Variants in CDH18 observed in about 807,000 individuals in gnomAD.
CDH18 encodes the protein cadherin 18.
CDH18 carries 31 observed loss-of-function variants against 67.9 expected under a neutral mutation model. The observed-to-expected ratio is 0.46, with a 90% CI of 0.34 to 0.62. The LOEUF is 0.62. Ranked by LOEUF, CDH18 falls within the 20% of genes least tolerant of loss-of-function variation. The probability of loss-of-function intolerance (pLI) is 0.01; values close to 1 mark genes in which losing one functional copy is unlikely to be tolerated. For synonymous variants in CDH18, 362 were observed against 347.2 expected, an observed-to-expected ratio of 1.04 and a Z score of -0.48; for missense variants, 890 against 975.5, an observed-to-expected ratio of 0.91 and a Z score of 1.17.
chr5:20,007,802 A>T (rs1208924487), intron 2 of CDH18, among the ~76,000 whole-genome samples: 1 of 151,956 alleles, frequency 6.6e-6, no homozygotes, highest in African/African-American at 2.4e-5. Flanking sequence ...AAGAAAAATC[A>T]AAATAAGACT....
intron 2 of CDH18, among the ~76,000 whole-genome samples, chr5:19,909,207 T>A (rs1579541435): frequency 6.6e-6 from 1 of 152,120 alleles, no homozygotes; most frequent in Non-Finnish European, 1.5e-5. Flanking sequence ...CCACAATATA[T>A]TTTTAAAAGT....
chr5:20,164,800 A>G (rs986102345), intron 2 of CDH18, among the ~76,000 whole-genome samples: 2 of 152,168 alleles, frequency 1.3e-5, no homozygotes, highest in African/African-American at 4.8e-5. Context: ...TCGTTTACCT[A>G]TTTACATTAA....
At chr5:20,173,113 C>A (rs1349846337) in intron 2 of CDH18, among the ~76,000 whole-genome samples, 1 of 152,102 alleles carries the variant, frequency 6.6e-6, no homozygotes, top group African/African-American at 2.4e-5. Context: ...CTAATGTGAA[C>A]CACTGACCTA....
At chr5:19,774,443 A>AAAATAAAATAAAAT (rs1473317352) in intron 3 of CDH18, among the ~76,000 whole-genome samples, 3 of 150,688 alleles carry the variant, frequency 2.0e-5, no homozygotes, top group Non-Finnish European at 4.4e-5. Flanking sequence ...AAAATAAAAT[A>AAAATAAAATAAAAT]AAATAAATAA....
rs1000170451 is a variant in CDH18, at chr5:20,131,076, C to A, written c.-518+124368G>T. On this transcript the variant is annotated intron_variant, in intron 2 of 14. Coordinates refer to the CDH18 transcript ENST00000507958. Reference sequence around the variant, plus strand: ...TCATATCATTTAAAAAATTTTTTACCTTATATAAATTATTTGCAGAATTTG... The same window carrying A: ...TCATATCATTTAAAAAATTTTTTACATTATATAAATTATTTGCAGAATTTG... Among the ~76,000 whole-genome samples the A allele has an allele frequency of 7.9e-5, 12 of 151,912 alleles. 1 individual carries two copies. In the South Asian group the frequency reaches 2.3e-3, roughly 29 times the overall value.
At chr5:20,304,663 G>A in intron 1 of CDH18, 1 of 1,611,816 alleles carries the variant, frequency 6.2e-7, no homozygotes, top group Non-Finnish European at 8.5e-7. Flanking sequence ...CGCTCCTAGT[G>A]ATGATGGGTC....
At chr5:19,933,450 T>A (rs760272475) in intron 2 of CDH18, among the ~76,000 whole-genome samples, 30 of 151,498 alleles carry the variant, frequency 2.0e-4, no homozygotes, top group Non-Finnish European at 3.7e-4. Flanking sequence ...TTTTTACCAG[T>A]ATATGAATGT....
intron 2 of CDH18, among the ~76,000 whole-genome samples, chr5:20,218,898 A>G (rs1420277199): frequency 6.6e-6 from 1 of 151,994 alleles, no homozygotes; most frequent in African/African-American, 2.4e-5. Flanking sequence ...GGGAGTTTAT[A>G]GCAATAAGTG....
At chr5:19,580,714 G>A (rs1449656859) in intron 7 of CDH18, among the ~76,000 whole-genome samples, 2 of 151,940 alleles carry the variant, frequency 1.3e-5, no homozygotes, top group Non-Finnish European at 2.9e-5. Flanking sequence ...CTAAGGCATA[G>A]GACAGTTAAG....
intron 1 of CDH18, among the ~76,000 whole-genome samples, chr5:20,306,578 TG>T (rs1736479498): frequency 6.6e-6 from 1 of 152,184 alleles, no homozygotes; most frequent in Non-Finnish European, 1.5e-5. Flanking sequence ...CTTTGATACT[TG>T]AATAAATTGA....
At chr5:20,483,337 T>C (rs1267593868) in intron 1 of CDH18, among the ~76,000 whole-genome samples, 1 of 152,054 alleles carries the variant, frequency 6.6e-6, no homozygotes, top group Non-Finnish European at 1.5e-5. Context: ...AAAATTTCCA[T>C]GCTATGCAAA....
intron 2 of CDH18, among the ~76,000 whole-genome samples, chr5:20,147,111 A>G (rs953343954): frequency 1.8e-4 from 27 of 152,188 alleles, no homozygotes; most frequent in Non-Finnish European, 3.4e-4. Flanking sequence ...TGCTAAATGG[A>G]GAATTCCTCT....
At chr5:19,929,801 G>A (rs1793481514) in intron 2 of CDH18, among the ~76,000 whole-genome samples, 1 of 151,968 alleles carries the variant, frequency 6.6e-6, no homozygotes, top group African/African-American at 2.4e-5. Flanking sequence ...ATAGTAAAAG[G>A]AATCAGCCCA....
At chr5:19,596,818 A>C (rs1746248423) in intron 6 of CDH18, among the ~76,000 whole-genome samples, 1 of 152,208 alleles carries the variant, frequency 6.6e-6, no homozygotes, top group East Asian at 1.9e-4. Flanking sequence ...CCATTAAACA[A>C]AGGAGTGCAT....
intron 1 of CDH18, among the ~76,000 whole-genome samples, chr5:20,289,673 AT>A (rs1305249536): frequency 6.6e-6 from 1 of 151,954 alleles, no homozygotes; most frequent in African/African-American, 2.4e-5. Flanking sequence ...GCTGCAACAA[AT>A]AAAATCTTAG....
intron 1 of CDH18, among the ~76,000 whole-genome samples, chr5:20,542,393 T>A (rs1757098616): frequency 6.6e-6 from 1 of 151,498 alleles, no homozygotes; most frequent in Admixed American, 6.6e-5. Flanking sequence ...ATCATGGTCT[T>A]GTGGTAAGGG....
At chr5:20,354,373 A>G (rs1741438045) in intron 1 of CDH18, among the ~76,000 whole-genome samples, 2 of 152,210 alleles carry the variant, frequency 1.3e-5, no homozygotes, top group Admixed American at 1.3e-4. Flanking sequence ...TGCTTTAATT[A>G]TGTAACATGA....
At chr5:20,073,143 A>G (rs1331384444) in intron 2 of CDH18, among the ~76,000 whole-genome samples, 1 of 151,940 alleles carries the variant, frequency 6.6e-6, no homozygotes, top group Non-Finnish European at 1.5e-5. Flanking sequence ...TCAAATTTAC[A>G]CTCACAGTCA....
intron 11 of CDH18, among the ~76,000 whole-genome samples, chr5:19,490,145 A>T (rs1041391139): frequency 6.6e-6 from 1 of 151,956 alleles, no homozygotes; most frequent in Non-Finnish European, 1.5e-5. Context: ...CACTAAAAAA[A>T]AATTGTAAGC....
Sources: allele counts gnomAD v4.1 joint callset (sites outside exome capture counted in the v4.1 genomes callset), GRCh38; gene constraint gnomAD v4.1.1; transcripts MANE v1.5; gene names NCBI Gene and HGNC (gene_info 2026-07-23, HGNC 2026-07-21).